Variants in ZNF592 observed in about 807,000 individuals in gnomAD.
ZNF592 encodes the protein zinc finger protein 592, also known as spinocerebellar ataxia, autosomal recessive 5.
Under a neutral mutation model 80.3 loss-of-function variants are expected in ZNF592, and 11 were observed. That is an observed-to-expected ratio of 0.14 (90% CI 0.09 to 0.23). ZNF592 has a LOEUF of 0.23. Ranked by LOEUF, ZNF592 falls within the 10% of genes least tolerant of loss-of-function variation. The pLI is 1.00. For synonymous variants in ZNF592, 646 were observed against 640.3 expected (o/e 1.01, Z -0.13); for missense variants, 1,420 against 1,633.9 (o/e 0.87, Z 2.26).
At chr15:84,801,115 G>A (rs1963082728) in intron 10 of ZNF592, among the ~76,000 whole-genome samples, 1 of 152,242 alleles carries the variant, frequency 6.6e-6, no homozygotes, top group Non-Finnish European at 1.5e-5. Context: ...GAGCCTAGGA[G>A]TTTGAGACCA....
intron 5 of ZNF592, among the ~76,000 whole-genome samples, chr15:84,792,660 C>T (rs1206047054): frequency 1.3e-5 from 2 of 152,162 alleles, no homozygotes; most frequent in Non-Finnish European, 2.9e-5. Flanking sequence ...CCATGTTGCC[C>T]AGGCTGGTCA....
In ZNF592 at chr15:84,783,363, A is replaced by G. The variant is rs142431765; in HGVS notation, c.688A>G (p.Lys230Glu). 8.1e-6 allele frequency: 13 copies of G among 1,614,222 alleles called. No individual in the cohort carries two copies. The highest frequency in any genetic ancestry group is 5.0e-5 in the Admixed American group (3 of 60,028). ...TGGGCAGAACACAGTGGAACCTCAC[A>G]AGGATCCGGATGCCACTCGATTCTT... ...QSGQNTVEPH[K>E]DPDATRFFGE... Residue 230 changes from lysine to glutamate, a missense_variant, in exon 4 of 11, where the codon AAG becomes GAG. Physicochemically the swap from Lys to Glu is moderately conservative, Grantham distance 56. Coordinates refer to ENST00000560079, the MANE Select transcript of ZNF592 (RefSeq NM_014630.3). The surrounding 1 kb of genome is among the most constrained non-coding windows in gnomAD (Gnocchi z 5.0).
At chr15:84,796,265 T>TATATATATATATATATA (rs1396711040) in intron 5 of ZNF592, among the ~76,000 whole-genome samples, 8 of 43,652 alleles carry the variant, frequency 1.8e-4, no homozygotes, top group East Asian at 9.2e-4. Context: ...TATATATATA[T>TATATATATATATATATA]TTTATATATA....
At chr15:84,770,068 T>G (rs1046505586) in intron 2 of ZNF592, among the ~76,000 whole-genome samples, 1 of 152,004 alleles carries the variant, frequency 6.6e-6, no homozygotes. Context: ...ATGGTAGAGG[T>G]GGTGAGAAAT....
intron 2 of ZNF592, among the ~76,000 whole-genome samples, chr15:84,776,838 T>C (rs1284904369): frequency 6.6e-6 from 1 of 151,628 alleles, no homozygotes; most frequent in Non-Finnish European, 1.5e-5. Flanking sequence ...GAATACGAGG[T>C]CAGGAGATCA....
Position 84,799,694 on chromosome 15 carries a change from G to T in ZNF592, c.3138-148G>T. The T allele has an allele frequency of 1.7e-6, 2 of 1,190,666 alleles. No individual in the cohort carries two copies. Among genetic ancestry groups the T allele is most frequent in the Non-Finnish European group, 2.5e-6 (2 of 815,480 alleles). 73.8% of individuals were successfully genotyped at this position (1,190,666 alleles called of 1,614,324 possible). A position where few individuals can be genotyped will look rare whatever the true frequency, so the allele number is the denominator to read the frequency against. On this transcript the variant is annotated intron_variant, in intron 9 of 10. Coordinates refer to ENST00000560079, the MANE Select transcript of ZNF592 (RefSeq NM_014630.3). The surrounding 1 kb of genome is among the most constrained non-coding windows in gnomAD (Gnocchi z 4.2). ...GTGCTATTGTCTGCTACCTTGGCTG[G>T]CCTGCTGGCTGGATCTCTCTGGGGT...
intron 4 of ZNF592, among the ~76,000 whole-genome samples, chr15:84,786,986 G>A (rs1417162794): frequency 1.3e-5 from 2 of 151,754 alleles, no homozygotes; most frequent in Admixed American, 6.6e-5. Context: ...GAGTAGCTGC[G>A]ACTACAGGTG....
chr15:84,753,477 G>C (rs1181685604), intron 1 of ZNF592: 1 of 151,966 alleles, frequency 6.6e-6, no homozygotes, highest in African/African-American at 2.4e-5. Flanking sequence ...AATTTATTTT[G>C]TTATTTTATT....
intron 4 of ZNF592, among the ~76,000 whole-genome samples, chr15:84,788,884 A>G (rs984716332): frequency 6.6e-6 from 1 of 152,114 alleles, no homozygotes; most frequent in African/African-American, 2.4e-5. Context: ...CATGTCCTCA[A>G]GATTCATTTA....
intron 1 of ZNF592, 41 bp from the exon 2 acceptor site, chr15:84,764,666 A>G: frequency 2.5e-6 from 1 of 398,614 alleles, no homozygotes; most frequent in East Asian, 3.6e-5. Context: ...ACTTACCTTC[A>G]GACCCACTTA....
chr15:84,788,852 T>C (rs1259180573), intron 4 of ZNF592, among the ~76,000 whole-genome samples: 1 of 152,198 alleles, frequency 6.6e-6, no homozygotes, highest in African/African-American at 2.4e-5. Context: ...TTTATCTTTT[T>C]GTGACTGGCT....
intron 3 of ZNF592, among the ~76,000 whole-genome samples, chr15:84,779,839 C>T (rs1459193338): frequency 1.3e-5 from 2 of 152,166 alleles, no homozygotes; most frequent in Non-Finnish European, 2.9e-5. Context: ...TCTGCAACTT[C>T]ATATTAGATA....
chr15:84,795,195 T>G (rs1235945282), intron 5 of ZNF592, among the ~76,000 whole-genome samples: 1 of 152,136 alleles, frequency 6.6e-6, no homozygotes, highest in Non-Finnish European at 1.5e-5. Flanking sequence ...GCTAATGATG[T>G]CATAAGGATG....
chr15:84,764,934 TATA>T, intron 2 of ZNF592, 119 bp downstream of exon 2: 1 of 393,950 alleles, frequency 2.5e-6, no homozygotes, highest in Non-Finnish European at 4.5e-6. Flanking sequence ...ATAAAATACA[TATA>T]ACAAAAGTTA....
intron 5 of ZNF592, among the ~76,000 whole-genome samples, chr15:84,796,799 C>T (rs898556142): frequency 1.3e-5 from 2 of 152,110 alleles, no homozygotes; most frequent in Non-Finnish European, 2.9e-5. Context: ...ACCAGGAAGA[C>T]ATCACAGCAC....
Position 84,798,834 on chromosome 15 carries a change from C to G in ZNF592, c.2983C>G (p.Arg995Gly). 6.3e-7 allele frequency: 1 copy of G among 1,599,666 alleles called. No individual in the cohort carries two copies. The highest frequency in any genetic ancestry group is 8.5e-7 in the Non-Finnish European group (1 of 1,179,754). The part of the protein sequence containing the change: ...CQECQEWVPD[R>G]ESYVSHMKKS... ...GGAGTGCCAGGAGTGGGTTCCAGATCGGGAGAGCTACGTGTCCCACATGAA... is the reference window on the plus strand; with the variant it reads ...GGAGTGCCAGGAGTGGGTTCCAGATGGGGAGAGCTACGTGTCCCACATGAA... The change falls in exon 8 of 11, where the codon CGG (arginine) becomes GGG (glycine). Residue 995 changes from arginine (R) to glycine (G), a missense_variant. Physicochemically the swap from Arg to Gly is moderately radical, Grantham distance 125. Around this residue, in one of 7 missense-constraint regions of ZNF592, gnomAD observed 331 missense variants for 347.0 expected, o/e 0.95. Transcript: ENST00000560079. This position sits in a 1 kb window ranked among gnomAD's most constrained non-coding sequence, Gnocchi z 4.5.
intron 2 of ZNF592, among the ~76,000 whole-genome samples, chr15:84,771,873 A>G (rs947463448): frequency 2.0e-5 from 3 of 152,236 alleles, no homozygotes; most frequent in Non-Finnish European, 4.4e-5. Context: ...GGCCAGTGAG[A>G]TATATACGCC....
intron 5 of ZNF592, among the ~76,000 whole-genome samples, chr15:84,794,656 T>C (rs1962844782): frequency 6.6e-6 from 1 of 152,160 alleles, no homozygotes; most frequent in Non-Finnish European, 1.5e-5. Context: ...TTTGTATTTT[T>C]AGTAGAGACG....
At chr15:84,787,195 TA>T (rs879443541) in intron 4 of ZNF592, among the ~76,000 whole-genome samples, 3 of 152,078 alleles carry the variant, frequency 2.0e-5, no homozygotes, top group African/African-American at 4.8e-5. Context: ...GGTCTGGGTG[TA>T]GGATCCCAGG....
Sources: gnomAD v4.1 joint callset for allele counts (sites outside exome capture counted in the v4.1 genomes callset) on GRCh38, gnomAD v4.1.1 for gene constraint, gnomAD v4.1.1 regional missense constraint, Gnocchi (gnomAD v3.1) non-coding constraint, MANE v1.5 for transcripts, NCBI Gene and HGNC (gene_info 2026-07-23, HGNC 2026-07-21) for gene names.